EPC2: variants seen among roughly 807,000 people sequenced by gnomAD.
EPC2 encodes the protein enhancer of polycomb homolog 2.
EPC2 carries 14 observed loss-of-function variants against 92.1 expected under a neutral mutation model. The ratio of observed to expected loss-of-function variants is 0.15; its 90% CI spans 0.10 to 0.24. The LOEUF is 0.24. Among genes scored for constraint, EPC2 ranks in the 10% least tolerant of loss-of-function variants. The probability of loss-of-function intolerance (pLI) is 1.00; values close to 1 mark genes in which losing one functional copy is unlikely to be tolerated. For synonymous variants in EPC2, 340 were observed against 334.7 expected (o/e 1.02, Z -0.17); for missense variants, 755 against 971.5 (o/e 0.78, Z 2.96).
chr2:148,736,301 T>C (rs1051696684), intron 2 of EPC2, among the ~76,000 whole-genome samples: 1 of 152,222 alleles, frequency 6.6e-6, no homozygotes, highest in African/African-American at 2.4e-5. Flanking sequence ...ATTATCCTTA[T>C]TGCTGTTTTT....
chr2:148,672,215 T>G (rs1178296831), intron 1 of EPC2, among the ~76,000 whole-genome samples: 2 of 152,208 alleles, frequency 1.3e-5, no homozygotes, highest in Non-Finnish European at 2.9e-5. Context: ...TCTTTATGTC[T>G]TTGATGGTTT....
chr2:148,678,557 G>A lies in EPC2; in HGVS notation c.154-11657G>A, dbSNP rs528614713. Among the ~76,000 whole-genome samples, 4 of 152,378 alleles carry A rather than the reference G, an allele frequency of 2.6e-5. No individual in the cohort carries two copies. In the South Asian group the frequency reaches 6.2e-4, roughly 24 times the overall value. On this transcript the variant is annotated intron_variant, in intron 1 of 13. Coordinates refer to ENST00000258484, the MANE Select transcript of EPC2 (RefSeq NM_015630.4). ...CCGAGCCCTGCCACACGGGAAGGCA[G>A]CTAAGGCCCTGCGAGAAATCGAGCG...
rs1311193825 is a variant in EPC2, at chr2:148,737,370, G to GTTATAAATATATTCAAATATA, written c.314-6252_314-6251insTTATAAATATATTCAAATATA. On this transcript the variant is annotated intron_variant, in intron 2 of 13. Transcript: ENST00000258484. ...CTATAAAATTAAATATATTCAAAGA[G>GTTATAAATATATTCAAATATA]GTCTAGTTATTACCTCTATCCCTGC... 2.7e-4 allele frequency among the ~76,000 whole-genome samples: 41 copies of GTTATAAATATATTCAAATATA among 152,114 alleles called. No individual in the cohort carries two copies. The East Asian group carries it at 7.9e-3, about 29-fold the overall frequency.
At chr2:148,661,160 T>C (rs879644239) in intron 1 of EPC2, among the ~76,000 whole-genome samples, 18 of 152,132 alleles carry the variant, frequency 1.2e-4, no homozygotes, top group Non-Finnish European at 2.5e-4. Flanking sequence ...TTATAGAGAA[T>C]TGACATCTTT....
In EPC2 at chr2:148,686,015, G is replaced by A. The variant is rs7606119; in HGVS notation, c.154-4199G>A. Among the ~76,000 whole-genome samples, 1,209 of 152,270 alleles carry A rather than the reference G, an allele frequency of 7.9e-3. 15 individuals carry two copies. The highest frequency in any genetic ancestry group is 0.027 in the African/African-American group (1,105 of 41,548). On this transcript the variant is annotated intron_variant, in intron 1 of 13. Transcript: ENST00000258484. ...TGCTAAAGGTTAGGTGGCTGTGGAAGTTTCTTATAATAAGACAATAGTGAA... is the reference window on the plus strand; with the variant it reads ...TGCTAAAGGTTAGGTGGCTGTGGAAATTTCTTATAATAAGACAATAGTGAA...
At chr2:148,678,723 T>C (rs912548193) in intron 1 of EPC2, among the ~76,000 whole-genome samples, 3 of 152,258 alleles carry the variant, frequency 2.0e-5, no homozygotes, top group Non-Finnish European at 4.4e-5. Context: ...GAACTCCAGC[T>C]GGCCCGCAAG....
At chr2:148,676,814 G>A (rs1161706758) in intron 1 of EPC2, among the ~76,000 whole-genome samples, 1 of 141,406 alleles carries the variant, frequency 7.1e-6, no homozygotes, top group Non-Finnish European at 1.5e-5. Context: ...CTCTCTTTTT[G>A]TCTTATAAAC....
chr2:148,668,540 G>T (rs1457421516), intron 1 of EPC2, among the ~76,000 whole-genome samples: 1 of 152,052 alleles, frequency 6.6e-6, no homozygotes. Flanking sequence ...TAAATATTTG[G>T]TAAAATTCAC....
At chr2:148,765,844 T>A (rs1361057161) in intron 7 of EPC2, among the ~76,000 whole-genome samples, 1 of 152,104 alleles carries the variant, frequency 6.6e-6, no homozygotes, top group Non-Finnish European at 1.5e-5. Flanking sequence ...TAGACCATCC[T>A]GGCTAACACA....
At chr2:148,773,757 A>G (rs1315982844) in intron 10 of EPC2, among the ~76,000 whole-genome samples, 1 of 152,212 alleles carries the variant, frequency 6.6e-6, no homozygotes, top group African/African-American at 2.4e-5. Context: ...TACATTCATT[A>G]TATAGATTTC....
chr2:148,645,208 TCCC>T, intron 1 of EPC2, 38 bp downstream of exon 1: 1 of 1,453,632 alleles, frequency 6.9e-7, no homozygotes, highest in Non-Finnish European at 9.3e-7. Flanking sequence ...CCTTCCCTCC[TCCC>T]CCCTCCCCTT....
intron 1 of EPC2, among the ~76,000 whole-genome samples, chr2:148,650,992 G>A (rs987106318): frequency 6.6e-5 from 10 of 152,172 alleles, no homozygotes; most frequent in Admixed American, 2.6e-4. Context: ...CCAAAAACAT[G>A]TATCTGGAAA....
chr2:148,784,672 C>T lies in EPC2; in HGVS notation c.2022C>T (p.Thr674=), dbSNP rs772410896. The change falls in exon 13 of 14, where the codon ACC becomes ACT. Residue 674 remains threonine, a synonymous_variant. Coordinates refer to ENST00000258484, the MANE Select transcript of EPC2 (RefSeq NM_015630.4). ...NINGVVQPSG[T]SKTLYSTNMA... is the part of the protein sequence containing the mutation. ...AATGACTTCTTTCTTTTTCAGGAAC[C>T]TCTAAAACATTATACTCCACCAATA... 1 of 1,592,334 alleles carries T rather than the reference C, an allele frequency of 6.3e-7. No individual in the cohort carries two copies. The highest frequency in any genetic ancestry group is 2.3e-5 in the East Asian group (1 of 44,356).
At chr2:148,672,587 T>C (rs1681176760) in intron 1 of EPC2, among the ~76,000 whole-genome samples, 1 of 152,202 alleles carries the variant, frequency 6.6e-6, no homozygotes, top group Admixed American at 6.5e-5. Context: ...TTTATTTTTG[T>C]ATACAAAAAC....
At chr2:148,657,542 A>ATGCTT (rs1680827850) in intron 1 of EPC2, among the ~76,000 whole-genome samples, 1 of 152,060 alleles carries the variant, frequency 6.6e-6, no homozygotes, top group Non-Finnish European at 1.5e-5. Flanking sequence ...ATTTTTAAGA[A>ATGCTT]GTTCCCAGGT....
chr2:148,662,250 T>A (rs201275991), intron 1 of EPC2, among the ~76,000 whole-genome samples: 3,818 of 152,120 alleles, frequency 0.025, 55 homozygotes, highest in East Asian at 0.032. Flanking sequence ...ATTGTGGAAG[T>A]CAGTGTGGCG....
intron 12 of EPC2, 128 bp from the exon 13 acceptor site, chr2:148,784,540 A>G (rs1324163664): frequency 1.4e-6 from 1 of 693,114 alleles, no homozygotes; most frequent in African/African-American, 1.8e-5. Flanking sequence ...CTTTGGAGAG[A>G]CCAGTGTGTG....
In EPC2 at chr2:148,695,640, G is replaced by A. The variant is rs115325621; in HGVS notation, c.313+5267G>A. Among the ~76,000 whole-genome samples the A allele has an allele frequency of 1.3e-3, 200 of 152,238 alleles. 1 individual carries two copies. Among genetic ancestry groups the A allele is most frequent in the African/African-American group, 4.6e-3 (192 of 41,530 alleles). ...AAATGATAATTGACCTGTTCTTTCA[G>A]GGCAAACATATTTTGATTGGAAAGA... On this transcript the variant is annotated intron_variant, in intron 2 of 13. Transcript: ENST00000258484.
chr2:148,708,095 C>A (rs1168394547), intron 2 of EPC2, among the ~76,000 whole-genome samples: 1 of 152,032 alleles, frequency 6.6e-6, no homozygotes, highest in Non-Finnish European at 1.5e-5. Context: ...AATTGATAGA[C>A]CGGTAGCAAG....
Sources: gnomAD v4.1 joint callset for allele counts (sites outside exome capture counted in the v4.1 genomes callset) on GRCh38, gnomAD v4.1.1 for gene constraint, MANE v1.5 for transcripts, NCBI Gene and HGNC (gene_info 2026-07-23, HGNC 2026-07-21) for gene names.